CCDC40: variants seen among roughly 807,000 people sequenced by gnomAD.
The protein encoded by CCDC40 is coiled-coil domain 40 molecular ruler complex subunit.
A neutral mutation model predicts 124.5 loss-of-function variants in CCDC40; 104 were observed. The observed-to-expected ratio is 0.84, with a 90% CI of 0.71 to 0.98. The LOEUF (loss-of-function observed/expected upper bound fraction) is 0.98. Among genes scored for constraint, CCDC40 ranks in the 50% least tolerant of loss-of-function variants. The pLI is 0.00. For synonymous variants in CCDC40, 580 were observed against 602.9 expected, an observed-to-expected ratio of 0.96 and a Z score of 0.56; for missense variants, 1,463 against 1,503.9, an observed-to-expected ratio of 0.97 and a Z score of 0.45.
Position 80,058,704 on chromosome 17 carries a change from A to T in CCDC40, c.1317+53A>T. On this transcript the variant is annotated intron_variant, in intron 8 of 19. Coordinates refer to ENST00000397545, the MANE Select transcript of CCDC40 (RefSeq NM_017950.4). This position sits in a 1 kb window ranked among gnomAD's most constrained non-coding sequence, Gnocchi z 4.2. ...ATGATCACCAGACCGTGGAGCTTCA[A>T]AAAGGGGCTCAGCTTTGCCTCCTGC... The T allele has an allele frequency of 6.2e-7, 1 of 1,610,276 alleles. No homozygotes were observed. The highest frequency in any genetic ancestry group is 2.2e-5 in the East Asian group (1 of 44,874).
intron 9 of CCDC40, among the ~76,000 whole-genome samples, chr17:80,061,683 C>A (rs2037900632): frequency 6.6e-6 from 1 of 152,220 alleles, no homozygotes; most frequent in South Asian, 2.1e-4. Flanking sequence ...AACAGCAGGG[C>A]CCCTGTTCAT....
At chr17:80,061,680 G>A (rs1273741117) in intron 9 of CCDC40, among the ~76,000 whole-genome samples, 9 of 152,230 alleles carry the variant, frequency 5.9e-5, no homozygotes, top group Non-Finnish European at 1.3e-4. Context: ...GGCAACAGCA[G>A]GGCCCCTGTT....
Position 80,065,736 on chromosome 17 carries a change from G to A in CCDC40, c.1562+130G>A, listed in dbSNP as rs1381994497. 4.7e-6 allele frequency: 6 copies of A among 1,277,270 alleles called. 1 individual carries two copies. Among genetic ancestry groups the A allele is most frequent in the South Asian group, 2.5e-5 (2 of 81,148 alleles). The allele number at this position is 1,277,270 out of a possible 1,614,324, so 79.1% of individuals were successfully genotyped here. ...AGGGTGCACCTTGATCCCCGGGTCC[G>A]GGCTTCCGTCCGGAAAGCTCCCTCA... On this transcript the variant is annotated intron_variant, in intron 10 of 19. Transcript: ENST00000397545.
rs200752334 is a variant in CCDC40 at position 80,066,584 on chromosome 17, C to T, written c.1562+978C>T. 9.0e-4 allele frequency: 157 copies of T among 173,722 alleles called. No individual in the cohort carries two copies. In the East Asian group the frequency reaches 0.017, roughly 19 times the overall value. 10.8% of individuals were successfully genotyped at this position (173,722 alleles called of 1,614,324 possible). A position where few individuals can be genotyped will look rare whatever the true frequency, so the allele number is the denominator to read the frequency against. ...CAGCCTGGCCAAGATGGTGAAACCC[C>T]GTCTCTACTAAAAATACAAAAATTA... On this transcript the variant is annotated intron_variant, in intron 10 of 19. Coordinates refer to ENST00000397545, the MANE Select transcript of CCDC40 (RefSeq NM_017950.4). This position sits in a 1 kb window ranked among gnomAD's most constrained non-coding sequence, Gnocchi z 4.4.
At chr17:80,062,664 C>G (rs1341884316) in intron 9 of CCDC40, among the ~76,000 whole-genome samples, 2 of 152,104 alleles carry the variant, frequency 1.3e-5, no homozygotes, top group Non-Finnish European at 2.9e-5. Flanking sequence ...ACTGTAGCCT[C>G]AAACTTCTGG....
At position 80,087,545 on chromosome 17, in the gene CCDC40, C is replaced by T; in HGVS notation, c.2450-62C>T. 1 of 1,393,076 alleles carries T rather than the reference C, an allele frequency of 7.2e-7. No individual in the cohort carries two copies. The allele number at this position is 1,393,076 out of a possible 1,614,324, so 86.3% of individuals were successfully genotyped here. A position where few individuals can be genotyped will look rare whatever the true frequency, so the allele number is the denominator to read the frequency against. On this transcript the variant is annotated intron_variant, in intron 14 of 19. Coordinates refer to ENST00000397545, the MANE Select transcript of CCDC40 (RefSeq NM_017950.4). The surrounding 1 kb of genome is among the most constrained non-coding windows in gnomAD (Gnocchi z 4.5). The stretch of plus-strand genomic sequence containing the variant: ...CTGGCTCACCTCTCGGACACTGCTG[C>T]CTGCGGGCGAGGACCCGTACCCTCC...
At chr17:80,065,674 A>AC in intron 10 of CCDC40, 68 bp downstream of exon 10, 1 of 1,595,742 alleles carries the variant, frequency 6.3e-7, no homozygotes, top group Non-Finnish European at 8.5e-7. Context: ...CCCGCCCCAC[A>AC]CCCCCTCTCT....
intron 10 of CCDC40, among the ~76,000 whole-genome samples, chr17:80,071,466 TC>T (rs1005285837): frequency 2.6e-5 from 4 of 152,068 alleles, no homozygotes; most frequent in South Asian, 4.1e-4. Flanking sequence ...ACCTCCTGTG[TC>T]CCCCCCTTAA....
chr17:80,072,359 T>C (rs979142309), intron 10 of CCDC40, among the ~76,000 whole-genome samples: 1 of 152,182 alleles, frequency 6.6e-6, no homozygotes, highest in Non-Finnish European at 1.5e-5. Context: ...ATCGACTTTC[T>C]CTTTTTGTGA....
chr17:80,089,643 G>C lies in CCDC40; in HGVS notation c.2712-121G>C. 2 of 1,235,760 alleles carry C rather than the reference G, an allele frequency of 1.6e-6. 1 individual carries two copies. Among genetic ancestry groups the C allele is most frequent in the Non-Finnish European group, 2.4e-6 (2 of 845,520 alleles). 76.5% of individuals were successfully genotyped at this position (1,235,760 alleles called of 1,614,324 possible). ...AGGCTTTGAGAGCCTCACGCTTTCT[G>C]TCGCAGCTGCTTGGCTCTGCCATTG... On this transcript the variant is annotated intron_variant, in intron 16 of 19. Coordinates refer to ENST00000397545, the MANE Select transcript of CCDC40 (RefSeq NM_017950.4).
chr17:80,077,246 C>T (rs754538031), intron 10 of CCDC40, among the ~76,000 whole-genome samples: 10 of 151,986 alleles, frequency 6.6e-5, no homozygotes, highest in Middle Eastern at 3.4e-3. Context: ...AAATGCTTGC[C>T]GGCCGTGGTG....
chr17:80,095,564 G>A, intron 18 of CCDC40, 113 bp downstream of exon 18: 1 of 1,019,852 alleles, frequency 9.8e-7, no homozygotes, highest in Non-Finnish European at 1.5e-6. Flanking sequence ...GCTGCAGTGG[G>A]GGCGTGCTCA....
intron 1 of CCDC40, 196 bp downstream of exon 1, chr17:80,036,887 C>T (rs1158608333): frequency 2.1e-6 from 1 of 485,346 alleles, no homozygotes; most frequent in Non-Finnish European, 3.6e-6. Flanking sequence ...CCCCCGCCAA[C>T]CCTTCTCACT....
At chr17:80,067,858 TGAA>T in intron 10 of CCDC40, 6 of 1,396,894 alleles carry the variant, frequency 4.3e-6, no homozygotes, top group East Asian at 2.6e-5. Flanking sequence ...ATCCGATTGA[TGAA>T]GAAAATAGAT....
rs781605404 is a variant in CCDC40 at position 80,039,816 on chromosome 17, C to T, written c.98C>T (p.Ser33Leu). 19 of 1,612,368 alleles carry T rather than the reference C, an allele frequency of 1.2e-5. No homozygotes were observed. In the East Asian group the frequency reaches 4.2e-4, roughly 36 times the overall value. Residue 33 changes from serine to leucine, a missense_variant, in exon 3 of 20, where the codon TCA becomes TTA. Ser to Leu is a moderately radical substitution (Grantham distance 145). Coordinates refer to ENST00000397545, the MANE Select transcript of CCDC40 (RefSeq NM_017950.4). Reference sequence around the variant, plus strand: ...TTTCCTGCCACACCTTTACAGGTGTCACCACCAGAGAAGGATGATGGCCAG... The same window carrying T: ...TTTCCTGCCACACCTTTACAGGTGTTACCACCAGAGAAGGATGATGGCCAG... ...KEGNNESHMV[S>L]PPEKDDGQKG...
At position 80,086,500 on chromosome 17, in the gene CCDC40, T is replaced by G; in HGVS notation, c.2449+284T>G. On this transcript the variant is annotated intron_variant, in intron 14 of 19. Coordinates refer to ENST00000397545, the MANE Select transcript of CCDC40 (RefSeq NM_017950.4). This position sits in a 1 kb window ranked among gnomAD's most constrained non-coding sequence, Gnocchi z 5.5. ...GAGAGAGGAGCATGGAAGGTTATCA[T>G]CCCCGCCAAGCCAGGGCACTCAGGT... The G allele has an allele frequency of 4.9e-6, 2 of 406,100 alleles. No individual in the cohort carries two copies. The highest frequency in any genetic ancestry group is 9.3e-6 in the Non-Finnish European group (2 of 215,328). 25.2% of individuals were successfully genotyped at this position (406,100 alleles called of 1,614,324 possible).
chr17:80,043,850 A>G (rs1034906969), intron 3 of CCDC40, among the ~76,000 whole-genome samples: 13 of 151,890 alleles, frequency 8.6e-5, no homozygotes, highest in African/African-American at 2.7e-4. Flanking sequence ...CCTTTCTCCA[A>G]CAGGGAGAAG....
At position 80,050,372 on chromosome 17, in the gene CCDC40, A is replaced by C. The variant is rs1296986126; in HGVS notation, c.1159+89A>C. ...TGTACCATGGCCAGGCATCTAGAAA[A>C]GTAAGATGTGTGTGCATCCTGGAGG... On this transcript the variant is annotated intron_variant, in intron 7 of 19. Coordinates refer to ENST00000397545, the MANE Select transcript of CCDC40 (RefSeq NM_017950.4). 5 of 1,064,410 alleles carry C rather than the reference A, an allele frequency of 4.7e-6. No individual in the cohort carries two copies. In the African/African-American group the frequency reaches 4.7e-5, roughly 10 times the overall value. 65.9% of individuals were successfully genotyped at this position (1,064,410 alleles called of 1,614,324 possible).
chr17:80,048,840 C>A, intron 5 of CCDC40, 79 bp downstream of exon 5: 1 of 1,257,174 alleles, frequency 8.0e-7, no homozygotes, highest in South Asian at 1.3e-5. Flanking sequence ...CCTGCACTGT[C>A]TCCCACTCCT....
Sources: gnomAD v4.1 joint callset for allele counts (sites outside exome capture counted in the v4.1 genomes callset) on GRCh38, gnomAD v4.1.1 for gene constraint, Gnocchi (gnomAD v3.1) non-coding constraint, MANE v1.5 for transcripts, NCBI Gene and HGNC (gene_info 2026-07-23, HGNC 2026-07-21) for gene names.